SASH1: variants seen among roughly 807,000 people sequenced by gnomAD.
SASH1 encodes the protein SAM and SH3 domain-containing protein 1.
SASH1 carries 44 observed loss-of-function variants against 125.2 expected under a neutral mutation model. The ratio of observed to expected loss-of-function variants is 0.35; its 90% CI spans 0.28 to 0.45. The LOEUF (loss-of-function observed/expected upper bound fraction) is 0.45. Among genes scored for constraint, SASH1 ranks in the 20% least tolerant of loss-of-function variants. The pLI, the probability that SASH1 is intolerant of heterozygous loss-of-function variation, is 1.00. For missense variants in SASH1, 1,426 were observed against 1,614.5 expected (o/e 0.88, Z 2.00); for synonymous variants, 639 against 649.1 (o/e 0.98, Z 0.24).
intron 1 of SASH1, among the ~76,000 whole-genome samples, chr6:148,328,726 T>A (rs1780909016): frequency 6.6e-6 from 1 of 152,214 alleles, no homozygotes; most frequent in Admixed American, 6.5e-5. Flanking sequence ...GATTAGTTGG[T>A]CTAAATTAAA....
At chr6:148,343,264 C>A in intron 1 of SASH1, 41 bp downstream of exon 1, 1 of 1,539,916 alleles carries the variant, frequency 6.5e-7, no homozygotes, top group Admixed American at 1.8e-5. Context: ...AAGTACAGTT[C>A]GCAGCAGCCC....
intron 1 of SASH1, among the ~76,000 whole-genome samples, chr6:148,307,098 C>CTT (rs1562316725): frequency 8.2e-6 from 1 of 121,978 alleles, no homozygotes; most frequent in African/African-American, 3.1e-5. Flanking sequence ...CTTTCTTTCT[C>CTT]TCTCTCTGTC....
rs71568225 is a variant in SASH1 at position 148,290,225 on chromosome 6, C to G, written n.74+17848C>G. On this transcript the variant is annotated intron_variant and non_coding_transcript_variant, in intron 1 of 3. Transcript: ENST00000367469. ...ATTTAGTTTTTCTCGGTGATTACAA[C>G]CAACACCCTTTAGCCTTTACGTCTT... Among the ~76,000 whole-genome samples the G allele has an allele frequency of 1.8e-3, 266 of 151,796 alleles. 1 individual carries two copies. Among genetic ancestry groups the G allele is most frequent in the Non-Finnish European group, 3.1e-3 (211 of 67,912 alleles).
At chr6:148,316,514 G>A (rs544890438) in intron 1 of SASH1, among the ~76,000 whole-genome samples, 20 of 152,336 alleles carry the variant, frequency 1.3e-4, no homozygotes, top group Non-Finnish European at 2.4e-4. Context: ...CACACGGCCC[G>A]CTTCAGGGCA....
At position 148,549,802 on chromosome 6, in the gene SASH1, GCA is replaced by G. The variant is rs1426980594; in HGVS notation, c.*1247_*1248del. The stretch of plus-strand genomic sequence containing the variant: ...TTAAATTGTTTTACAACTGATTTCA[GCA>G]CATTCTATCCTTTTTTTTTTTTGAA... On this transcript the variant is annotated 3_prime_UTR_variant, in exon 20 of 20. Coordinates refer to ENST00000367467, the MANE Select transcript of SASH1 (RefSeq NM_015278.5). 8 of 377,740 alleles carry G rather than the reference GCA, an allele frequency of 2.1e-5. No homozygotes were observed. The Admixed American group carries it at 3.7e-4, about 17-fold the overall frequency. 23.4% of individuals were successfully genotyped at this position (377,740 alleles called of 1,614,324 possible).
the SASH1 span, among the ~76,000 whole-genome samples, chr6:148,211,881 G>A: frequency 4.6e-5 from 7 of 152,240 alleles, no homozygotes; most frequent in South Asian, 4.2e-4. Context: ...GAACCCCCAC[G>A]TTCCTTCTTT....
At chr6:148,497,914 G>A (rs77141255) in intron 8 of SASH1, among the ~76,000 whole-genome samples, 3,677 of 152,228 alleles carry the variant, frequency 0.024, 167 homozygotes, top group African/African-American at 0.084. Flanking sequence ...TGCTGATGAC[G>A]TCGTCTCATG....
Position 148,545,979 on chromosome 6 carries a change from T to C in SASH1, c.3349-36T>C, listed in dbSNP as rs1183259233. The C allele has an allele frequency of 6.2e-6, 10 of 1,600,414 alleles. No individual in the cohort carries two copies. In the African/African-American group the frequency reaches 6.7e-5, roughly 11 times the overall value. ...TAGGGAAAGAAAAACAAAATCCTTA[T>C]GACTCTTGATGTCATATTCCTGTTC... On this transcript the variant is annotated intron_variant, in intron 18 of 19. Transcript: ENST00000367467.
At chr6:148,425,290 T>C (rs1775766097) in intron 2 of SASH1, among the ~76,000 whole-genome samples, 1 of 152,220 alleles carries the variant, frequency 6.6e-6, no homozygotes, top group Non-Finnish European at 1.5e-5. Context: ...ATTTAAAATC[T>C]GTTATGTTTT....
At chr6:148,430,693 C>CA (rs1776024517) in intron 2 of SASH1, among the ~76,000 whole-genome samples, 1 of 152,202 alleles carries the variant, frequency 6.6e-6, no homozygotes, top group Non-Finnish European at 1.5e-5. Flanking sequence ...AAACAATACA[C>CA]ATCACTGGGG....
the SASH1 span, among the ~76,000 whole-genome samples, chr6:148,233,742 C>CAAAAAAAAAAAA: frequency 7.6e-3 from 459 of 60,492 alleles, 64 homozygotes; most frequent in African/African-American, 0.018. Context: ...TTCCTCTCTA[C>CAAAAAAAAAAAA]AAAAAAAAAA....
chr6:148,318,124 A>G (rs995148746), intron 1 of SASH1, among the ~76,000 whole-genome samples: 4 of 152,206 alleles, frequency 2.6e-5, no homozygotes, highest in Non-Finnish European at 5.9e-5. Flanking sequence ...TCATTCATGG[A>G]GGCATTCATT....
chr6:148,392,546 C>A (rs1783774574), intron 2 of SASH1, among the ~76,000 whole-genome samples: 1 of 152,200 alleles, frequency 6.6e-6, no homozygotes, highest in African/African-American at 2.4e-5. Flanking sequence ...TGCAAGTGAA[C>A]ATAATCTGTT....
intron 1 of SASH1, among the ~76,000 whole-genome samples, chr6:148,371,122 A>C (rs1294375021): frequency 6.6e-6 from 1 of 152,100 alleles, no homozygotes; most frequent in Non-Finnish European, 1.5e-5. Context: ...TCCATGTTTT[A>C]CCTTCTAAGG....
At chr6:148,527,700 G>A in intron 12 of SASH1, 104 bp downstream of exon 12, 2 of 1,087,596 alleles carry the variant, frequency 1.8e-6, no homozygotes, top group Non-Finnish European at 2.7e-6. Flanking sequence ...CATACTCCTT[G>A]GCATTAACCT....
chr6:148,519,404 A>T lies in SASH1; in HGVS notation c.863-143A>T. 4 of 627,488 alleles carry T rather than the reference A, an allele frequency of 6.4e-6. No homozygotes were observed. In the South Asian group the frequency reaches 8.2e-5, roughly 13 times the overall value. 38.9% of individuals were successfully genotyped at this position (627,488 alleles called of 1,614,324 possible). A position where few individuals can be genotyped will look rare whatever the true frequency, so the allele number is the denominator to read the frequency against. ...GTGAAACCATGTATTTGCACAGTGT[A>T]TTTTCATTTTTCTGTACATATGTAA... On this transcript the variant is annotated intron_variant, in intron 9 of 19. Coordinates refer to ENST00000367467, the MANE Select transcript of SASH1 (RefSeq NM_015278.5). The surrounding 1 kb of genome is among the most constrained non-coding windows in gnomAD (Gnocchi z 4.8).
intron 10 of SASH1, among the ~76,000 whole-genome samples, chr6:148,523,880 GTGTC>G (rs2115368471): frequency 6.6e-6 from 1 of 152,214 alleles, no homozygotes; most frequent in East Asian, 1.9e-4. Flanking sequence ...CATTCATAGA[GTGTC>G]TGCCTTGTGC....
At chr6:148,340,905 G>C (rs1394470018), upstream of SASH1, among the ~76,000 whole-genome samples, 2 of 152,178 alleles carry the variant, frequency 1.3e-5, no homozygotes, top group Non-Finnish European at 2.9e-5. Context: ...GGAGACCAAG[G>C]AGGGAGGATC....
At chr6:148,384,430 T>C (rs958246391) in intron 1 of SASH1, among the ~76,000 whole-genome samples, 3 of 152,222 alleles carry the variant, frequency 2.0e-5, no homozygotes, top group Middle Eastern at 3.2e-3. Flanking sequence ...ATATTTATTA[T>C]AATAAATGTA....
Sources: allele counts gnomAD v4.1 joint callset (sites outside exome capture counted in the v4.1 genomes callset), GRCh38; gene constraint gnomAD v4.1.1; non-coding constraint Gnocchi (gnomAD v3.1); transcripts MANE v1.5; gene names NCBI Gene and HGNC (gene_info 2026-07-23, HGNC 2026-07-21).